The following MACF1 variants were observed in gnomAD, a reference collection of about 807,000 sequenced individuals.
The protein encoded by MACF1 is microtubule actin crosslinking factor 1, also known as microtubule-actin cross-linking factor 1.
Under a neutral mutation model 854.8 loss-of-function variants are expected in MACF1, and 193 were observed. The observed-to-expected ratio is 0.23, with a 90% CI of 0.20 to 0.25. The LOEUF is 0.25. Ranked by LOEUF, MACF1 falls within the 10% of genes least tolerant of loss-of-function variation. The probability of loss-of-function intolerance (pLI) is 1.00; values close to 1 mark genes in which losing one functional copy is unlikely to be tolerated. For missense variants in MACF1, 7,722 were observed against 8,929.1 expected (o/e 0.86, Z 5.45); for synonymous variants, 3,185 against 3,226.7 (o/e 0.99, Z 0.44).
At chr1:39,172,714 T>C (rs966511800) in intron 2 of MACF1, among the ~76,000 whole-genome samples, 2 of 152,210 alleles carry the variant, frequency 1.3e-5, no homozygotes, top group Non-Finnish European at 2.9e-5. Flanking sequence ...TGTGCCCTCT[T>C]AGTAGTTTTG....
chr1:39,122,858 A>C (rs1238081550), intron 2 of MACF1, among the ~76,000 whole-genome samples: 1 of 152,142 alleles, frequency 6.6e-6, no homozygotes, highest in East Asian at 1.9e-4. Context: ...CAGATCATCC[A>C]AGGTTAACAT....
chr1:39,231,142 G>C (rs756657748), intron 1 of MACF1, 40 bp from the exon 2 acceptor site: 2 of 1,542,208 alleles, frequency 1.3e-6, no homozygotes, highest in Non-Finnish European at 9.0e-7. Context: ...TGTTACCTGG[G>C]TAGCACTAAG....
intron 2 of MACF1, among the ~76,000 whole-genome samples, chr1:39,114,005 C>A (rs1168545475): frequency 6.6e-6 from 1 of 151,506 alleles, no homozygotes; most frequent in Non-Finnish European, 1.5e-5. Context: ...CACTGTACTC[C>A]AGCCTGGGTG....
At chr1:39,393,196 A>AAAAAAAAAAATATATATATATATATAT (rs57576149) in intron 58 of MACF1, among the ~76,000 whole-genome samples, 18 of 66,548 alleles carry the variant, frequency 2.7e-4, no homozygotes, top group Non-Finnish European at 3.6e-4. Flanking sequence ...AAAAAAAAAA[A>AAAAAAAAAAATATATATATATATATAT]ATATATATAT....
intron 6 of MACF1, among the ~76,000 whole-genome samples, chr1:39,267,281 G>A (rs1355194258): frequency 6.6e-6 from 1 of 152,026 alleles, no homozygotes; most frequent in Non-Finnish European, 1.5e-5. Context: ...GGCCAGGCTG[G>A]AGTGCAGTGA....
chr1:39,163,319 G>A (rs1197273861), intron 2 of MACF1, among the ~76,000 whole-genome samples: 1 of 141,934 alleles, frequency 7.0e-6, no homozygotes, highest in Non-Finnish European at 1.5e-5. Flanking sequence ...GGTGAGCCTG[G>A]GTGACAGAGC....
At chr1:39,347,680 C>T (rs1647085824) in intron 41 of MACF1, among the ~76,000 whole-genome samples, 1 of 152,178 alleles carries the variant, frequency 6.6e-6, no homozygotes, top group South Asian at 2.1e-4. Flanking sequence ...GGTTCCTTGA[C>T]AATCCTTAAG....
At chr1:39,363,096 C>A (rs1028029546) in intron 49 of MACF1, among the ~76,000 whole-genome samples, 1 of 152,090 alleles carries the variant, frequency 6.6e-6, no homozygotes, top group Admixed American at 6.6e-5. Flanking sequence ...TAGCCTATGA[C>A]CCACTATGTA....
chr1:39,277,098 A>G (rs1645451362), intron 6 of MACF1, among the ~76,000 whole-genome samples: 1 of 151,978 alleles, frequency 6.6e-6, no homozygotes, highest in Admixed American at 6.6e-5. Flanking sequence ...CTCACATTGC[A>G]TATGAAACAT....
rs368877400 is a variant in MACF1, at chr1:39,152,055, A to G, written c.220+67617A>G. ...AATGGCGCAATCTCAGCTCACTGCAACCTCCACCTCCCAGGTTCAAGCGAT... is the reference window on the plus strand; with the variant it reads ...AATGGCGCAATCTCAGCTCACTGCAGCCTCCACCTCCCAGGTTCAAGCGAT... On this transcript the variant is annotated intron_variant, in intron 2 of 93. Coordinates refer to the MACF1 transcript ENST00000361689. Among the ~76,000 whole-genome samples the G allele has an allele frequency of 2.6e-4, 40 of 151,966 alleles. No homozygotes were observed. In the East Asian group the frequency reaches 3.9e-3, roughly 15 times the overall value.
rs1557592833 is a variant in MACF1, at chr1:39,332,878, TAATA to T, written c.6297_6300del (p.Asn2099LysfsTer4). Reference sequence around the variant, plus strand: ...AATCCAAACATTGATGCTTTGAAGGTAATAAATAAAGTCAAATTAGAGGTACAAA... The same window carrying T: ...AATCCAAACATTGATGCTTTGAAGGTAATAAAGTCAAATTAGAGGTACAAA... On this transcript the variant is annotated frameshift_variant, in exon 37 of 101. Transcript: ENST00000564288. LOFTEE classifies it high-confidence loss of function. The T allele has an allele frequency of 6.2e-6, 10 of 1,614,046 alleles. No homozygotes were observed. Among genetic ancestry groups the T allele is most frequent in the Middle Eastern group, 1.6e-4 (1 of 6,062 alleles).
intron 2 of MACF1, among the ~76,000 whole-genome samples, chr1:39,126,158 G>C (rs1341382019): frequency 1.3e-5 from 2 of 152,222 alleles, no homozygotes; most frequent in Admixed American, 6.5e-5. Flanking sequence ...TTGTCTTACA[G>C]TTCTGGAGGC....
intron 40 of MACF1, among the ~76,000 whole-genome samples, chr1:39,341,609 A>G (rs1436285427): frequency 6.6e-6 from 1 of 151,748 alleles, no homozygotes; most frequent in African/African-American, 2.4e-5. Context: ...GAGGCAGGAG[A>G]ATCGCTTGAA....
chr1:39,422,543 A>G lies in MACF1; in HGVS notation c.15978+8A>G, dbSNP rs753630838. ...AATACATTGAATAAAAAGGTGAGTG[A>G]CAATGGGGTAGCAAGTGTACTGGAA... On this transcript the variant is annotated splice_region_variant and intron_variant, in intron 59 of 100. Coordinates refer to ENST00000564288, the MANE Select transcript of MACF1 (RefSeq NM_001394062.1). 1.2e-5 allele frequency: 19 copies of G among 1,603,560 alleles called. No homozygotes were observed. Among genetic ancestry groups the G allele is most frequent in the Middle Eastern group, 1.7e-4 (1 of 6,012 alleles).
At chr1:39,239,033 G>A (rs1451169907) in intron 2 of MACF1, among the ~76,000 whole-genome samples, 1 of 152,138 alleles carries the variant, frequency 6.6e-6, no homozygotes, top group East Asian at 1.9e-4. Flanking sequence ...TGTAATCCCA[G>A]CACTCTGGGA....
chr1:39,426,506 A>G (rs1437863891), intron 61 of MACF1, among the ~76,000 whole-genome samples: 1 of 152,206 alleles, frequency 6.6e-6, no homozygotes, highest in African/African-American at 2.4e-5. Context: ...CTGCATGCTA[A>G]TACAGTTCTG....
At chr1:39,285,425 C>A in intron 13 of MACF1, 35 bp downstream of exon 13, 1 of 1,604,294 alleles carries the variant, frequency 6.2e-7, no homozygotes, top group South Asian at 1.1e-5. Flanking sequence ...ACATCTGTGT[C>A]ACATGTTTCC....
intron 51 of MACF1, among the ~76,000 whole-genome samples, chr1:39,371,883 G>A (rs530858602): frequency 5.3e-5 from 8 of 150,280 alleles, no homozygotes; most frequent in South Asian, 4.2e-4. Context: ...GCATGATCTC[G>A]GCTCACTGCA....
At chr1:39,340,145 A>G (rs1646904616) in intron 38 of MACF1, among the ~76,000 whole-genome samples, 2 of 152,186 alleles carry the variant, frequency 1.3e-5, no homozygotes, top group African/African-American at 2.4e-5. Context: ...GAAAGGCATA[A>G]TGACACTCTC....
Sources: allele counts gnomAD v4.1 joint callset (sites outside exome capture counted in the v4.1 genomes callset), GRCh38; gene constraint gnomAD v4.1.1; transcripts MANE v1.5; gene names NCBI Gene and HGNC (gene_info 2026-07-23, HGNC 2026-07-21).